CCR5AS: variants seen among roughly 807,000 people sequenced by gnomAD.
CCR5AS encodes CCR5 antisense RNA.
At chr3:46,389,626 G>C (rs988357422) in intron 2 of CCR5AS, among the ~76,000 whole-genome samples, 2 of 152,206 alleles carry the variant, frequency 1.3e-5, no homozygotes, top group African/African-American at 4.8e-5. Flanking sequence ...GATGGGACGA[G>C]TCGGGGAGTG....
intron 2 of CCR5AS, among the ~76,000 whole-genome samples, chr3:46,384,760 G>A (rs1701843634): frequency 6.6e-6 from 1 of 152,128 alleles, no homozygotes; most frequent in African/African-American, 2.4e-5. Context: ...ATGTGCAGAG[G>A]TGAAATAAAG....
downstream of CCR5AS, among the ~76,000 whole-genome samples, chr3:46,364,112 T>C (rs1701578616): frequency 6.6e-6 from 1 of 152,200 alleles, no homozygotes; most frequent in South Asian, 2.1e-4. Flanking sequence ...GATGAAAGTG[T>C]CTACACGAAA....
At chr3:46,391,503 G>T (rs1701913615) in intron 2 of CCR5AS, among the ~76,000 whole-genome samples, 1 of 152,132 alleles carries the variant, frequency 6.6e-6, no homozygotes, top group African/African-American at 2.4e-5. Flanking sequence ...GGCACCTCTG[G>T]GTCTAGAGAG....
intron 2 of CCR5AS, chr3:46,372,916 T>A: frequency 6.3e-7 from 1 of 1,587,538 alleles, no homozygotes; most frequent in Non-Finnish European, 8.6e-7. Context: ...GATTATCAAG[T>A]GTCAAGTCCA....
chr3:46,378,759 A>G (rs1424278446), intron 2 of CCR5AS, among the ~76,000 whole-genome samples: 1 of 152,216 alleles, frequency 6.6e-6, no homozygotes, highest in African/African-American at 2.4e-5. Flanking sequence ...AGGAGTCTCC[A>G]TTCGGGGTAC....
At chr3:46,393,460 C>CAAA (rs35762544) in intron 1 of CCR5AS, among the ~76,000 whole-genome samples, 2 of 103,950 alleles carry the variant, frequency 1.9e-5, no homozygotes, top group African/African-American at 4.0e-5. Flanking sequence ...AACAGAGCCA[C>CAAA]AAAAAAAAAA....
chr3:46,391,301 C>T (rs531442864), intron 2 of CCR5AS, among the ~76,000 whole-genome samples: 29 of 152,244 alleles, frequency 1.9e-4, no homozygotes, highest in Non-Finnish European at 2.9e-4. Flanking sequence ...TCTCTTACAG[C>T]GGAGGCAAGT....
chr3:46,374,091 G>T (rs1701717827), intron 2 of CCR5AS: 2 of 542,516 alleles, frequency 3.7e-6, no homozygotes, highest in Non-Finnish European at 6.5e-6. Flanking sequence ...GAGGGTCTAA[G>T]ATTCATCCAT....
chr3:46,401,577 G>C (rs907043563), intron 1 of CCR5AS, among the ~76,000 whole-genome samples: 1 of 152,116 alleles, frequency 6.6e-6, no homozygotes, highest in South Asian at 2.1e-4. Flanking sequence ...CCAAGGGATG[G>C]GCCTATCATA....
In CCR5AS at chr3:46,397,099, C is replaced by T. The variant is rs1007778042; in HGVS notation, n.164-4047G>A. ...GCAAGAGGCCCACACCTCACCTGGCCGGCTCCCATCCATGCGCCCTTGACT... is the reference window on the plus strand; with the variant it reads ...GCAAGAGGCCCACACCTCACCTGGCTGGCTCCCATCCATGCGCCCTTGACT... On this transcript the variant is annotated intron_variant and non_coding_transcript_variant, in intron 1 of 3. Coordinates refer to ENST00000451485, the Ensembl canonical transcript of CCR5AS. Among the ~76,000 whole-genome samples, 67 of 152,152 alleles carry T rather than the reference C, an allele frequency of 4.4e-4. 1 individual carries two copies. The highest frequency in any genetic ancestry group is 2.1e-4 in the South Asian group (1 of 4,832).
intron 2 of CCR5AS, among the ~76,000 whole-genome samples, chr3:46,384,940 T>G (rs577942493): frequency 6.6e-6 from 1 of 152,130 alleles, no homozygotes; most frequent in African/African-American, 2.4e-5. Context: ...GGTGTGAGTG[T>G]GGGTGTGTGT....
At chr3:46,390,181 G>A (rs1053867597) in intron 2 of CCR5AS, among the ~76,000 whole-genome samples, 2 of 152,178 alleles carry the variant, frequency 1.3e-5, no homozygotes, top group East Asian at 1.9e-4. Flanking sequence ...ACTGGTGGGT[G>A]TCAGAGTCAG....
At chr3:46,398,636 C>T (rs969611417) in intron 1 of CCR5AS, among the ~76,000 whole-genome samples, 1 of 152,202 alleles carries the variant, frequency 6.6e-6, no homozygotes, top group Non-Finnish European at 1.5e-5. Context: ...ATGAAAAGTC[C>T]TAGAAACCCT....
chr3:46,373,187 CT>C, intron 2 of CCR5AS: 1 of 1,614,144 alleles, frequency 6.2e-7, no homozygotes, highest in Non-Finnish European at 8.5e-7. Flanking sequence ...CCCAGTGGGA[CT>C]TTGGAAATAC....
intron 3 of CCR5AS, among the ~76,000 whole-genome samples, chr3:46,368,818 C>G (rs1300320680): frequency 6.6e-6 from 1 of 152,132 alleles, no homozygotes; most frequent in East Asian, 1.9e-4. Context: ...GTGAGTATGT[C>G]TTCACATCCT....
In CCR5AS at chr3:46,398,565, AG is replaced by A. The variant is rs757800392; in HGVS notation, n.164-5514del. ...TACCAGAGCCAATTCGGTATATACA[AG>A]GGTGTCTTACTCTTTTGGAATTTGT... On this transcript the variant is annotated intron_variant and non_coding_transcript_variant, in intron 1 of 3. Transcript: ENST00000451485. Among the ~76,000 whole-genome samples, 3 of 152,346 alleles carry A rather than the reference AG, an allele frequency of 2.0e-5. No homozygotes were observed. The South Asian group carries it at 6.2e-4, about 32-fold the overall frequency.
At chr3:46,372,655 T>G (rs1701678986) in intron 2 of CCR5AS, 1 of 363,492 alleles carries the variant, frequency 2.8e-6, no homozygotes, top group African/African-American at 2.0e-5. Context: ...GGTGAGATGG[T>G]GCTTTCATGA....
Position 46,386,034 on chromosome 3 carries a change from C to G in CCR5AS, n.391+6791G>C, listed in dbSNP as rs545308022. ...TCAAGCAATCCTCCAACCTCAGCCC[C>G]CCAAGTAGCTGGGAGGACAGACGTG... On this transcript the variant is annotated intron_variant and non_coding_transcript_variant, in intron 2 of 3. Coordinates refer to ENST00000451485, the Ensembl canonical transcript of CCR5AS. 3.2e-3 allele frequency among the ~76,000 whole-genome samples: 490 copies of G among 152,254 alleles called. 4 individuals are homozygous for G. Among genetic ancestry groups the G allele is most frequent in the Non-Finnish European group, 2.5e-3 (170 of 68,008 alleles).
intron 2 of CCR5AS, chr3:46,374,642 T>C (rs1057169382): frequency 1.2e-5 from 2 of 167,128 alleles, no homozygotes; most frequent in African/African-American, 4.8e-5. Flanking sequence ...AGCTTGGCTG[T>C]AGAAGGAGAC....
Sources: allele counts gnomAD v4.1 joint callset (sites outside exome capture counted in the v4.1 genomes callset), GRCh38; gene constraint gnomAD v4.1.1; transcripts MANE v1.5; gene names NCBI Gene and HGNC (gene_info 2026-07-23, HGNC 2026-07-21).